Variants in ZFPM2 observed in about 807,000 individuals in gnomAD.
The protein encoded by ZFPM2 is zinc finger protein ZFPM2.
A neutral mutation model predicts 98.6 loss-of-function variants in ZFPM2; 20 were observed. The observed-to-expected ratio is 0.20, with a 90% CI of 0.14 to 0.29. The LOEUF is 0.29. Ranked by LOEUF, ZFPM2 falls within the 10% of genes least tolerant of loss-of-function variation. The pLI is 1.00. For synonymous variants in ZFPM2, 518 were observed against 502.7 expected (o/e 1.03, Z -0.41); for missense variants, 1,310 against 1,388.6 (o/e 0.94, Z 0.90).
intron 4 of ZFPM2, among the ~76,000 whole-genome samples, chr8:105,608,750 A>G (rs1381935852): frequency 2.6e-5 from 4 of 152,084 alleles, no homozygotes; most frequent in East Asian, 3.9e-4. Flanking sequence ...CCTTAAAGGA[A>G]CGCAAGGATA....
chr8:105,587,877 T>C (rs1033858931), intron 4 of ZFPM2, among the ~76,000 whole-genome samples: 1 of 152,040 alleles, frequency 6.6e-6, no homozygotes, highest in Non-Finnish European at 1.5e-5. Flanking sequence ...GTTCTGACAA[T>C]CAAAAATGTT....
intron 1 of ZFPM2, among the ~76,000 whole-genome samples, chr8:105,351,405 A>C (rs1236029135): frequency 1.3e-5 from 2 of 149,072 alleles, no homozygotes; most frequent in Non-Finnish European, 3.0e-5. Context: ...GTGTATGTAA[A>C]TATTTCCAAT....
intron 1 of ZFPM2, among the ~76,000 whole-genome samples, chr8:105,375,312 CTT>C (rs1487644026): frequency 6.6e-6 from 1 of 152,084 alleles, no homozygotes; most frequent in Non-Finnish European, 1.5e-5. Context: ...CTACCAACTA[CTT>C]CTATAAGGTA....
intron 1 of ZFPM2, among the ~76,000 whole-genome samples, chr8:105,398,311 A>G (rs1811264414): frequency 6.6e-6 from 1 of 152,190 alleles, no homozygotes; most frequent in Admixed American, 6.5e-5. Context: ...ACAGATTTTG[A>G]AAAAAAGATT....
At chr8:105,328,114 T>G (rs1812148877) in intron 1 of ZFPM2, among the ~76,000 whole-genome samples, 1 of 151,870 alleles carries the variant, frequency 6.6e-6, no homozygotes, top group Non-Finnish European at 1.5e-5. Context: ...TGTAATACTT[T>G]GTGATGTTAT....
Position 105,465,157 on chromosome 8 carries a change from A to G in ZFPM2, c.301+20776A>G, listed in dbSNP as rs73302187. On this transcript the variant is annotated intron_variant, in intron 3 of 7. Coordinates refer to ENST00000407775, the MANE Select transcript of ZFPM2 (RefSeq NM_012082.4). Reference sequence around the variant, plus strand: ...AACTGGAAAAAAAAAATTGTGGAAGATACATTTATCTGCAGAAGGAGCAAA... The same window carrying G: ...AACTGGAAAAAAAAAATTGTGGAAGGTACATTTATCTGCAGAAGGAGCAAA... Among the ~76,000 whole-genome samples, 1,176 of 152,114 alleles carry G rather than the reference A, an allele frequency of 7.7e-3. 14 individuals carry two copies. The highest frequency in any genetic ancestry group is 0.027 in the African/African-American group (1,101 of 41,522).
chr8:105,444,458 A>G (rs1812327784), intron 3 of ZFPM2, 77 bp downstream of exon 3: 3 of 1,062,498 alleles, frequency 2.8e-6, no homozygotes, highest in Non-Finnish European at 4.1e-6. Flanking sequence ...CTTGAACATC[A>G]GTTAGCTTGC....
chr8:105,566,026 T>C (rs746581376), intron 4 of ZFPM2, among the ~76,000 whole-genome samples: 56 of 152,188 alleles, frequency 3.7e-4, no homozygotes, highest in Non-Finnish European at 7.5e-4. Flanking sequence ...TAGCGGTCTT[T>C]GGGATATTTC....
chr8:105,594,904 A>C (rs1300211434), intron 4 of ZFPM2, among the ~76,000 whole-genome samples: 1 of 152,150 alleles, frequency 6.6e-6, no homozygotes, highest in Non-Finnish European at 1.5e-5. Flanking sequence ...GTCCAATGAG[A>C]GAATCAGATA....
At chr8:105,634,150 A>T in intron 4 of ZFPM2, 96 bp from the exon 5 acceptor site, 1 of 885,058 alleles carries the variant, frequency 1.1e-6, no homozygotes, top group Non-Finnish European at 1.8e-6. Flanking sequence ...TGGGAGATTT[A>T]GTTGTTTGTA....
intron 1 of ZFPM2, among the ~76,000 whole-genome samples, chr8:105,319,993 G>A (rs1001056202): frequency 1.8e-4 from 27 of 152,098 alleles, no homozygotes; most frequent in Admixed American, 3.3e-4. Flanking sequence ...AACCTTATTA[G>A]TTTATTTTTT....
chr8:105,476,892 C>A (rs1348811113), intron 3 of ZFPM2, among the ~76,000 whole-genome samples: 2 of 151,976 alleles, frequency 1.3e-5, no homozygotes, highest in East Asian at 3.9e-4. Flanking sequence ...AAGCCTGAGT[C>A]CCCATCCTAG....
chr8:105,353,381 T>C (rs887905308), intron 1 of ZFPM2, among the ~76,000 whole-genome samples: 2 of 152,162 alleles, frequency 1.3e-5, no homozygotes, highest in African/African-American at 4.8e-5. Flanking sequence ...CATATTCTGA[T>C]ATTTTTTTCA....
intron 5 of ZFPM2, among the ~76,000 whole-genome samples, chr8:105,708,541 C>T (rs1388002628): frequency 1.3e-5 from 2 of 152,062 alleles, no homozygotes; most frequent in African/African-American, 4.8e-5. Context: ...GTGATCCTCC[C>T]ACCTCAGCCT....
chr8:105,518,581 A>G (rs954192644), intron 3 of ZFPM2, among the ~76,000 whole-genome samples: 3 of 152,232 alleles, frequency 2.0e-5, no homozygotes, highest in African/African-American at 7.2e-5. Flanking sequence ...GTGTTATTAC[A>G]GCCACATAAC....
intron 5 of ZFPM2, chr8:105,663,015 G>A (rs1474806004): frequency 2.0e-5 from 3 of 152,180 alleles, no homozygotes; most frequent in Non-Finnish European, 2.9e-5. Context: ...GATAACTAAT[G>A]CATTGTTGCC....
intron 5 of ZFPM2, among the ~76,000 whole-genome samples, chr8:105,726,447 G>A (rs1225228277): frequency 6.6e-6 from 1 of 151,744 alleles, no homozygotes; most frequent in Non-Finnish European, 1.5e-5. Context: ...AAAGAAGTCA[G>A]CAAAGAACAA....
rs554185788 is a variant in ZFPM2 at position 105,570,782 on chromosome 8, A to G, written c.420+9301A>G. 5.3e-5 allele frequency among the ~76,000 whole-genome samples: 8 copies of G among 152,236 alleles called. No homozygotes were observed. The East Asian group carries it at 9.7e-4, about 18-fold the overall frequency. On this transcript the variant is annotated intron_variant, in intron 4 of 7. Coordinates refer to ENST00000407775, the MANE Select transcript of ZFPM2 (RefSeq NM_012082.4). Reference sequence around the variant, plus strand: ...CACAATTCCTTGCTATACATAGACAATTTTATTTATGGACCTAACTTACTC... The same window carrying G: ...CACAATTCCTTGCTATACATAGACAGTTTTATTTATGGACCTAACTTACTC...
intron 1 of ZFPM2, among the ~76,000 whole-genome samples, chr8:105,414,711 T>G (rs951417519): frequency 2.6e-5 from 4 of 152,026 alleles, no homozygotes; most frequent in Admixed American, 2.0e-4. Context: ...AGCAATAATT[T>G]TCTTATAAAT....
Sources: gnomAD v4.1 joint callset for allele counts (sites outside exome capture counted in the v4.1 genomes callset) on GRCh38, gnomAD v4.1.1 for gene constraint, MANE v1.5 for transcripts, NCBI Gene and HGNC (gene_info 2026-07-23, HGNC 2026-07-21) for gene names.